The following ELP4 variants were observed in gnomAD, a reference collection of about 807,000 sequenced individuals.
The protein encoded by ELP4 is elongator complex protein 4.
ELP4 carries 51 observed loss-of-function variants against 48.9 expected under a neutral mutation model. That is an observed-to-expected ratio of 1.04 (90% CI 0.83 to 1.32). The LOEUF (loss-of-function observed/expected upper bound fraction) is 1.32, where lower values mean the gene tolerates loss of function less well. Among genes scored for constraint, ELP4 ranks in the 40% most tolerant of loss-of-function variants. The pLI is 0.00. For synonymous variants in ELP4, 210 were observed against 189.2 expected (o/e 1.11, Z -0.90); for missense variants, 519 against 514.6 (o/e 1.01, Z -0.08).
intron 9 of ELP4, among the ~76,000 whole-genome samples, chr11:31,759,859 A>G (rs1947909435): frequency 6.6e-6 from 1 of 152,024 alleles, no homozygotes; most frequent in Non-Finnish European, 1.5e-5. Flanking sequence ...GGTATATGCC[A>G]CGACACACAG....
intron 3 of ELP4, among the ~76,000 whole-genome samples, chr11:31,593,827 T>G (rs1400252653): frequency 6.6e-6 from 1 of 152,194 alleles, no homozygotes; most frequent in African/African-American, 2.4e-5. Context: ...AGACTAGCAT[T>G]AATTAAAATG....
rs1246154713 is a variant in ELP4, at chr11:31,789,457, G to C, written c.*5933G>C. ...TGTTCCAGGTTTAATTATATGCAAAGGAATGATACAAACTTGGAACATCAG... is the reference window on the plus strand; with the variant it reads ...TGTTCCAGGTTTAATTATATGCAAACGAATGATACAAACTTGGAACATCAG... On this transcript the variant is annotated 3_prime_UTR_variant, in exon 10 of 10. Coordinates refer to ENST00000640961, the MANE Select transcript of ELP4 (RefSeq NM_019040.5). 1 of 462,680 alleles carries C rather than the reference G, an allele frequency of 2.2e-6. No homozygotes were observed. The highest frequency in any genetic ancestry group is 3.8e-6 in the Non-Finnish European group (1 of 264,716). 28.7% of individuals were successfully genotyped at this position (462,680 alleles called of 1,614,324 possible).
intron 9 of ELP4, among the ~76,000 whole-genome samples, chr11:31,697,398 C>G (rs1057179860): frequency 6.6e-6 from 1 of 151,980 alleles, no homozygotes; most frequent in Admixed American, 6.6e-5. Flanking sequence ...AAGAGGAAAG[C>G]CTCTTTTTTG....
chr11:31,704,665 A>G (rs1946593450), intron 9 of ELP4, among the ~76,000 whole-genome samples: 1 of 152,262 alleles, frequency 6.6e-6, no homozygotes, highest in East Asian at 1.9e-4. Context: ...ATTAAAAAAT[A>G]AAAAATAAAT....
chr11:31,546,490 C>T (rs895159934), intron 3 of ELP4, among the ~76,000 whole-genome samples: 3 of 152,104 alleles, frequency 2.0e-5, no homozygotes, highest in African/African-American at 7.2e-5. Context: ...TAAAGCAAGT[C>T]CTTAGTGACC....
chr11:31,556,160 A>G (rs1042534347), intron 3 of ELP4, among the ~76,000 whole-genome samples: 2 of 151,886 alleles, frequency 1.3e-5, no homozygotes, highest in South Asian at 2.1e-4. Flanking sequence ...ATTCATGCCT[A>G]TTGTAGTCAA....
intron 9 of ELP4, among the ~76,000 whole-genome samples, chr11:31,746,369 C>T (rs1327666306): frequency 1.3e-5 from 2 of 152,104 alleles, no homozygotes; most frequent in African/African-American, 2.4e-5. Context: ...ACCATTTGAC[C>T]CAGCCATCCC....
chr11:31,644,615 GT>G (rs1945165260), intron 7 of ELP4, among the ~76,000 whole-genome samples: 1 of 151,630 alleles, frequency 6.6e-6, no homozygotes. Context: ...GCTTTTATGG[GT>G]TTTTTAAGCT....
chr11:31,547,930 T>A (rs1956764468), intron 3 of ELP4, among the ~76,000 whole-genome samples: 2 of 152,112 alleles, frequency 1.3e-5, no homozygotes, highest in South Asian at 4.1e-4. Flanking sequence ...TTGACAAAAT[T>A]CAACAACCCT....
chr11:31,673,634 G>A (rs1400401826), intron 9 of ELP4, among the ~76,000 whole-genome samples: 1 of 152,114 alleles, frequency 6.6e-6, no homozygotes, highest in Non-Finnish European at 1.5e-5. Flanking sequence ...CAGCCTGACA[G>A]TAGTTTTTGA....
At chr11:31,608,416 T>G (rs920005348) in intron 5 of ELP4, among the ~76,000 whole-genome samples, 5 of 151,996 alleles carry the variant, frequency 3.3e-5, no homozygotes, top group Non-Finnish European at 7.4e-5. Flanking sequence ...GCAGAGCTTG[T>G]TTATGATGGG....
intron 9 of ELP4, among the ~76,000 whole-genome samples, chr11:31,683,552 C>T (rs549142582): frequency 2.2e-4 from 34 of 152,242 alleles, no homozygotes; most frequent in African/African-American, 7.9e-4. Context: ...CCTTCATGAA[C>T]ATTTAAATCC....
chr11:31,683,642 A>T (rs531801956), intron 9 of ELP4, among the ~76,000 whole-genome samples: 5 of 152,202 alleles, frequency 3.3e-5, no homozygotes, highest in African/African-American at 9.6e-5. Flanking sequence ...TTTATGGTCT[A>T]TTAAGATAAT....
intron 9 of ELP4, among the ~76,000 whole-genome samples, chr11:31,703,999 G>A (rs1359021656): frequency 1.3e-5 from 2 of 152,048 alleles, no homozygotes; most frequent in South Asian, 4.1e-4. Flanking sequence ...ACACTTCTGA[G>A]ATCTGATAGT....
intron 9 of ELP4, among the ~76,000 whole-genome samples, chr11:31,700,850 G>A (rs1437026313): frequency 2.0e-5 from 3 of 152,160 alleles, no homozygotes; most frequent in African/African-American, 7.2e-5. Flanking sequence ...CAATGAGAAT[G>A]TAGAAAGAAA....
At chr11:31,634,027 C>T (rs1376415849) in intron 7 of ELP4, 1 of 152,058 alleles carries the variant, frequency 6.6e-6, no homozygotes, top group Admixed American at 6.6e-5. Context: ...GCTGTGATTT[C>T]ACCCTTTGCA....
chr11:31,784,557 AG>A lies in ELP4; in HGVS notation c.*1035del, dbSNP rs1438624732. On this transcript the variant is annotated 3_prime_UTR_variant, in exon 10 of 10. Transcript: ENST00000640961. Reference sequence around the variant, plus strand: ...TATTTAAGAGTCTTGATTTTTTAAAAGGTGTTTAACATCCATTGGGAGAAAC... The same window carrying A: ...TATTTAAGAGTCTTGATTTTTTAAAAGTGTTTAACATCCATTGGGAGAAAC... 6.6e-6 allele frequency: 1 copy of A among 152,258 alleles called. No homozygotes were observed. Among genetic ancestry groups the A allele is most frequent in the African/African-American group, 2.4e-5 (1 of 41,476 alleles). 9.4% of individuals were successfully genotyped at this position (152,258 alleles called of 1,614,324 possible).
intron 9 of ELP4, among the ~76,000 whole-genome samples, chr11:31,771,728 C>T (rs1033369182): frequency 2.6e-5 from 4 of 152,148 alleles, no homozygotes; most frequent in Admixed American, 6.5e-5. Flanking sequence ...GCCTGTAATC[C>T]CAGCACTTTG....
chr11:31,554,481 GTATA>G (rs901335085), intron 3 of ELP4, among the ~76,000 whole-genome samples: 14 of 151,498 alleles, frequency 9.2e-5, no homozygotes, highest in African/African-American at 2.7e-4. Context: ...TATATAAAAA[GTATA>G]TAACATGATT....
Sources: allele counts gnomAD v4.1 joint callset (sites outside exome capture counted in the v4.1 genomes callset), GRCh38; gene constraint gnomAD v4.1.1; transcripts MANE v1.5; gene names NCBI Gene and HGNC (gene_info 2026-07-23, HGNC 2026-07-21).